The following PTPRD variants were observed in gnomAD, a reference collection of about 807,000 sequenced individuals.
The protein encoded by PTPRD is receptor-type tyrosine-protein phosphatase delta.
A neutral mutation model predicts 214.5 loss-of-function variants in PTPRD; 34 were observed. The observed-to-expected ratio is 0.16, with a 90% CI of 0.12 to 0.21. The LOEUF (loss-of-function observed/expected upper bound fraction) is 0.21, where lower values mean the gene tolerates loss of function less well. Among genes scored for constraint, PTPRD ranks in the 10% least tolerant of loss-of-function variants. The pLI is 1.00. For missense variants in PTPRD, 2,545 were observed against 2,398.7 expected (o/e 1.06, Z -1.27); for synonymous variants, 1,128 against 845.7 (o/e 1.33, Z -5.79).
At chr9:8,404,744 G>A (rs2130608612) in intron 35 of PTPRD, 84 bp from the exon 36 acceptor site, 1 of 1,439,876 alleles carries the variant, frequency 6.9e-7, no homozygotes, top group Non-Finnish European at 9.3e-7. Context: ...TAATAAACAT[G>A]ATTTAAAAGG....
At chr9:9,239,258 C>T (rs2099969063) in intron 9 of PTPRD, among the ~76,000 whole-genome samples, 3 of 150,538 alleles carry the variant, frequency 2.0e-5, no homozygotes, top group African/African-American at 7.3e-5. Context: ...AACTCAAAGG[C>T]TTTTGGTTCA....
chr9:10,516,278 A>G, intron 2 of PTPRD, among the ~76,000 whole-genome samples: 1 of 152,026 alleles, frequency 6.6e-6, no homozygotes, highest in Middle Eastern at 3.4e-3. Flanking sequence ...AACTGGCATG[A>G]GGTGATATCT....
intron 14 of PTPRD, among the ~76,000 whole-genome samples, chr9:8,557,613 G>C (rs2084392525): frequency 6.7e-6 from 1 of 148,376 alleles, no homozygotes; most frequent in Non-Finnish European, 1.5e-5. Context: ...CATGGTGGTG[G>C]GCACCTGTAA....
intron 3 of PTPRD, among the ~76,000 whole-genome samples, chr9:10,313,572 G>C (rs188371271): frequency 1.3e-5 from 2 of 151,988 alleles, no homozygotes; most frequent in East Asian, 3.9e-4. Flanking sequence ...AGATAAAGTA[G>C]CTATTTCTCA....
chr9:10,362,966 CA>C (rs1343476414), intron 2 of PTPRD, among the ~76,000 whole-genome samples: 1 of 152,110 alleles, frequency 6.6e-6, no homozygotes, highest in Non-Finnish European at 1.5e-5. Context: ...TAGTATAGAA[CA>C]GGCTTTTAAT....
intron 4 of PTPRD, among the ~76,000 whole-genome samples, chr9:9,953,287 T>G (rs964008016): frequency 2.0e-5 from 3 of 152,052 alleles, no homozygotes; most frequent in Non-Finnish European, 4.4e-5. Context: ...GAATCAGTTA[T>G]AGGCATGAAC....
At chr9:10,334,171 C>A (rs2096801055) in intron 3 of PTPRD, among the ~76,000 whole-genome samples, 1 of 151,522 alleles carries the variant, frequency 6.6e-6, no homozygotes, top group South Asian at 2.1e-4. Context: ...GAAAATAATT[C>A]TTCAACTTAG....
intron 2 of PTPRD, among the ~76,000 whole-genome samples, chr9:10,512,382 G>T (rs1214853568): frequency 6.6e-6 from 1 of 151,898 alleles, no homozygotes. Flanking sequence ...TGCCAAGAAT[G>T]GTGAGTTTGC....
intron 2 of PTPRD, among the ~76,000 whole-genome samples, chr9:10,603,385 A>T (rs185470396): frequency 2.4e-4 from 36 of 151,976 alleles, no homozygotes; most frequent in East Asian, 1.6e-3. Context: ...CACATTTGTG[A>T]TCATTTACTT....
intron 14 of PTPRD, among the ~76,000 whole-genome samples, chr9:8,564,544 T>C (rs2088044164): frequency 6.6e-6 from 1 of 151,992 alleles, no homozygotes; most frequent in Non-Finnish European, 1.5e-5. Flanking sequence ...CTACTAAAAA[T>C]ACAAAAAATT....
intron 2 of PTPRD, among the ~76,000 whole-genome samples, chr9:10,427,008 C>A (rs672049): frequency 7.9e-5 from 12 of 152,136 alleles, no homozygotes; most frequent in African/African-American, 2.9e-4. Context: ...CAAGAGATTT[C>A]TTCACAAAAG....
intron 9 of PTPRD, among the ~76,000 whole-genome samples, chr9:9,249,771 A>G (rs534808511): frequency 6.6e-6 from 1 of 152,188 alleles, no homozygotes; most frequent in East Asian, 1.9e-4. Context: ...TTTGTTGGCT[A>G]TTTTGTTTGA....
At chr9:9,358,736 G>A (rs2054830479) in intron 9 of PTPRD, among the ~76,000 whole-genome samples, 1 of 151,328 alleles carries the variant, frequency 6.6e-6, no homozygotes, top group Admixed American at 6.6e-5. Context: ...AGAAGGGCCT[G>A]CGCCTGAATC....
At chr9:10,075,345 T>C (rs1294331812) in intron 3 of PTPRD, among the ~76,000 whole-genome samples, 1 of 152,092 alleles carries the variant, frequency 6.6e-6, no homozygotes, top group Non-Finnish European at 1.5e-5. Flanking sequence ...AGGATAATTG[T>C]GAAAAAACAG....
chr9:9,363,292 A>C (rs1202243782), intron 9 of PTPRD, among the ~76,000 whole-genome samples: 1 of 151,126 alleles, frequency 6.6e-6, no homozygotes, highest in Non-Finnish European at 1.5e-5. Flanking sequence ...AACAAGTCTT[A>C]ACATTCTAGA....
chr9:8,724,648 G>T (rs545864285), intron 12 of PTPRD, among the ~76,000 whole-genome samples: 16 of 152,168 alleles, frequency 1.1e-4, no homozygotes, highest in Admixed American at 2.0e-4. Flanking sequence ...CCACCACTTA[G>T]CCAGGCTCAT....
At chr9:9,824,463 A>G (rs956790687) in intron 5 of PTPRD, among the ~76,000 whole-genome samples, 1 of 152,144 alleles carries the variant, frequency 6.6e-6, no homozygotes, top group Non-Finnish European at 1.5e-5. Context: ...TGTGTGCTTT[A>G]TTACATGAAT....
intron 9 of PTPRD, among the ~76,000 whole-genome samples, chr9:9,263,339 C>T (rs992986618): frequency 1.5e-4 from 22 of 151,640 alleles, no homozygotes; most frequent in African/African-American, 4.8e-4. Context: ...TCTTTTCCAC[C>T]TTCTTCTCAT....
intron 5 of PTPRD, among the ~76,000 whole-genome samples, chr9:9,886,543 C>T (rs950193968): frequency 6.6e-6 from 1 of 152,024 alleles, no homozygotes; most frequent in African/African-American, 2.4e-5. Flanking sequence ...GTGTATTTTC[C>T]AAAATGACTG....
Sources: gnomAD v4.1 joint callset for allele counts (sites outside exome capture counted in the v4.1 genomes callset) on GRCh38, gnomAD v4.1.1 for gene constraint, MANE v1.5 for transcripts, NCBI Gene and HGNC (gene_info 2026-07-23, HGNC 2026-07-21) for gene names.